Variants in RASGRP1 observed in about 807,000 individuals in gnomAD.
RASGRP1 encodes the protein RAS guanyl-releasing protein 1.
Under a neutral mutation model 95.1 loss-of-function variants are expected in RASGRP1, and 37 were observed. The observed-to-expected ratio is 0.39, with a 90% CI of 0.30 to 0.51. The LOEUF is 0.51. Ranked by LOEUF, RASGRP1 falls within the 20% of genes least tolerant of loss-of-function variation. The pLI, the probability that RASGRP1 is intolerant of heterozygous loss-of-function variation, is 0.80. For missense variants in RASGRP1, 711 were observed against 965.4 expected (o/e 0.74, Z 3.49); for synonymous variants, 325 against 353.4 (o/e 0.92, Z 0.90).
intron 2 of RASGRP1, among the ~76,000 whole-genome samples, chr15:38,557,278 A>G (rs1893600520): frequency 6.6e-6 from 1 of 152,218 alleles, no homozygotes; most frequent in East Asian, 1.9e-4. Context: ...AGATGGGTCA[A>G]CTGATAACCA....
intron 2 of RASGRP1, among the ~76,000 whole-genome samples, chr15:38,551,514 T>C (rs969601019): frequency 6.6e-6 from 1 of 152,208 alleles, no homozygotes; most frequent in Non-Finnish European, 1.5e-5. Context: ...CACGACAATG[T>C]ATGATATGGA....
At chr15:38,511,528 T>C in intron 8 of RASGRP1, 76 bp downstream of exon 8, 1 of 1,155,088 alleles carries the variant, frequency 8.7e-7, no homozygotes. Flanking sequence ...CTCTCTGGGC[T>C]GCCCACCAAG....
At chr15:38,531,257 C>G (rs571597292) in intron 2 of RASGRP1, among the ~76,000 whole-genome samples, 7 of 152,298 alleles carry the variant, frequency 4.6e-5, no homozygotes, top group Middle Eastern at 3.4e-3. Context: ...GGAGCTGGGA[C>G]CTGGCCCAAG....
At chr15:38,550,242 C>CAAAAAAAAAA (rs56383365) in intron 2 of RASGRP1, among the ~76,000 whole-genome samples, 5 of 89,010 alleles carry the variant, frequency 5.6e-5, no homozygotes, top group Non-Finnish European at 1.2e-4. Context: ...ACTCTGTCGC[C>CAAAAAAAAAA]AAAAAAAAAA....
At chr15:38,495,057 C>A (rs1477952059) in intron 15 of RASGRP1, among the ~76,000 whole-genome samples, 2 of 152,158 alleles carry the variant, frequency 1.3e-5, no homozygotes, top group Non-Finnish European at 2.9e-5. Flanking sequence ...GCCCCTGCCT[C>A]AGTGCCACAG....
At chr15:38,547,398 C>T (rs540462499) in intron 2 of RASGRP1, among the ~76,000 whole-genome samples, 1 of 152,192 alleles carries the variant, frequency 6.6e-6, no homozygotes, top group African/African-American at 2.4e-5. Context: ...AACCAATGAC[C>T]GATGGGACTT....
At chr15:38,522,857 C>G (rs1715498592) in intron 3 of RASGRP1, among the ~76,000 whole-genome samples, 2 of 152,190 alleles carry the variant, frequency 1.3e-5, no homozygotes, top group South Asian at 4.1e-4. Context: ...ACTCCGTAGT[C>G]TGCAGAGGCT....
intron 2 of RASGRP1, among the ~76,000 whole-genome samples, chr15:38,527,950 C>A (rs1347228793): frequency 6.6e-6 from 1 of 151,884 alleles, no homozygotes; most frequent in African/African-American, 2.4e-5. Flanking sequence ...AGAGCATGAG[C>A]CCATCTCAAT....
At chr15:38,504,772 G>C (rs1274763873) in intron 10 of RASGRP1, 2 of 152,160 alleles carry the variant, frequency 1.3e-5, no homozygotes, top group African/African-American at 4.8e-5. Context: ...CAGTAGGTTT[G>C]TTTACACCAG....
At chr15:38,491,090 C>T (rs1400649097) in intron 16 of RASGRP1, among the ~76,000 whole-genome samples, 2 of 151,908 alleles carry the variant, frequency 1.3e-5, no homozygotes, top group Non-Finnish European at 2.9e-5. Flanking sequence ...ATCTAAGTTT[C>T]CCCCCCACAA....
At chr15:38,515,769 C>T (rs996534041) in intron 6 of RASGRP1, among the ~76,000 whole-genome samples, 5 of 149,796 alleles carry the variant, frequency 3.3e-5, no homozygotes, top group South Asian at 2.1e-4. Flanking sequence ...ATCCTCTCCC[C>T]GCCCCCGCAC....
chr15:38,496,052 G>A (rs892207005), intron 15 of RASGRP1, among the ~76,000 whole-genome samples: 2 of 152,152 alleles, frequency 1.3e-5, no homozygotes, highest in East Asian at 1.9e-4. Flanking sequence ...AGAGATGACA[G>A]TGTTAACAGA....
intron 2 of RASGRP1, among the ~76,000 whole-genome samples, chr15:38,539,832 T>G (rs944659078): frequency 6.6e-6 from 1 of 152,208 alleles, no homozygotes; most frequent in Non-Finnish European, 1.5e-5. Flanking sequence ...TTTGGTTTTT[T>G]GTTCTTGCGA....
At position 38,510,625 on chromosome 15, in the gene RASGRP1, T is replaced by C. The variant is rs536322478; in HGVS notation, c.966+979A>G. ...AGCAGTCATTATCTAACCCATGCCA[T>C]ACATTTATATCCTCGGTATATTACA... On this transcript the variant is annotated intron_variant, in intron 8 of 16. Transcript: ENST00000310803. Among the ~76,000 whole-genome samples, 4 of 152,378 alleles carry C rather than the reference T, an allele frequency of 2.6e-5. No individual in the cohort carries two copies. The South Asian group carries it at 6.2e-4, about 24-fold the overall frequency.
intron 2 of RASGRP1, among the ~76,000 whole-genome samples, chr15:38,542,904 T>TATATGTATATATATATAC (rs1555403812): frequency 2.8e-5 from 4 of 141,320 alleles, no homozygotes; most frequent in African/African-American, 1.0e-4. Context: ...TGTATATATA[T>TATATGTATATATATATAC]ACACATATAT....
In RASGRP1 at chr15:38,488,652, C is replaced by T. The variant is rs904339562; in HGVS notation, c.*1902G>A. The T allele has an allele frequency of 1.3e-5, 2 of 151,544 alleles. No homozygotes were observed. The highest frequency in any genetic ancestry group is 6.6e-5 in the Admixed American group (1 of 15,248). The allele number at this position is 151,544 out of a possible 1,614,324, so 9.4% of individuals were successfully genotyped here. A position where few individuals can be genotyped will look rare whatever the true frequency, so the allele number is the denominator to read the frequency against. ...ATTTATATAAAAACTAACTGGGGAT[C>T]TTTACTTCGAATGGAGAGGAGGAAG... On this transcript the variant is annotated 3_prime_UTR_variant, in exon 17 of 17. Coordinates refer to ENST00000310803, the MANE Select transcript of RASGRP1 (RefSeq NM_005739.4).
intron 11 of RASGRP1, 184 bp downstream of exon 11, chr15:38,503,088 G>A (rs1004578544): frequency 3.4e-6 from 2 of 596,696 alleles, no homozygotes; most frequent in African/African-American, 3.7e-5. Context: ...GCCTTCATAT[G>A]AGTCCAGTGT....
chr15:38,501,369 A>G (rs1891012855), intron 12 of RASGRP1, 82 bp from the exon 13 acceptor site: 1 of 1,495,652 alleles, frequency 6.7e-7, no homozygotes, highest in Admixed American at 1.7e-5. Context: ...AGCCTTAGAA[A>G]CTCACCTTTC....
At chr15:38,498,696 T>G (rs1890894249) in intron 15 of RASGRP1, 98 bp downstream of exon 15, 6 of 1,457,350 alleles carry the variant, frequency 4.1e-6, no homozygotes, top group Non-Finnish European at 5.5e-6. Flanking sequence ...AGGTTACATT[T>G]AAACTCAAAC....
Sources: gnomAD v4.1 joint callset for allele counts (sites outside exome capture counted in the v4.1 genomes callset) on GRCh38, gnomAD v4.1.1 for gene constraint, MANE v1.5 for transcripts, NCBI Gene and HGNC (gene_info 2026-07-23, HGNC 2026-07-21) for gene names.